The following DKK2 variants were observed in gnomAD, a reference collection of about 807,000 sequenced individuals.
DKK2 encodes dickkopf Wnt signaling pathway inhibitor 2.
A neutral mutation model predicts 28.1 loss-of-function variants in DKK2; 11 were observed. That is an observed-to-expected ratio of 0.39 (90% CI 0.25 to 0.65). The LOEUF is 0.65. Ranked by LOEUF, DKK2 falls within the 30% of genes least tolerant of loss-of-function variation. DKK2 has a pLI of 0.47. For missense variants in DKK2, 326 were observed against 335.5 expected, an observed-to-expected ratio of 0.97 and a Z score of 0.22; for synonymous variants, 135 against 126.5, an observed-to-expected ratio of 1.07 and a Z score of -0.45.
intron 1 of DKK2, among the ~76,000 whole-genome samples, chr4:107,012,502 A>G (rs992409890): frequency 5.9e-5 from 9 of 151,274 alleles, no homozygotes; most frequent in African/African-American, 2.2e-4. Context: ...ATGCTTTTCT[A>G]AAAGAAAAGT....
chr4:106,996,475 A>T (rs949318964), intron 1 of DKK2, among the ~76,000 whole-genome samples: 5 of 152,166 alleles, frequency 3.3e-5, no homozygotes, highest in Non-Finnish European at 5.9e-5. Context: ...GACATAAACT[A>T]TACGAAATCA....
intron 1 of DKK2, among the ~76,000 whole-genome samples, chr4:106,937,488 A>C (rs1724613593): frequency 7.1e-6 from 1 of 140,292 alleles, no homozygotes; most frequent in South Asian, 2.4e-4. Flanking sequence ...TGACCTACAA[A>C]GAGACTTAGA....
At chr4:107,012,808 G>A (rs1205141784) in intron 1 of DKK2, among the ~76,000 whole-genome samples, 1 of 150,998 alleles carries the variant, frequency 6.6e-6, no homozygotes, top group Non-Finnish European at 1.5e-5. Context: ...GTACTCAGAG[G>A]TATCTGCCTC....
chr4:106,934,027 C>CTA (rs1035138555), intron 1 of DKK2, among the ~76,000 whole-genome samples: 55 of 147,482 alleles, frequency 3.7e-4, no homozygotes, highest in African/African-American at 9.5e-4. Context: ...TATACACACA[C>CTA]TATATATATA....
intron 1 of DKK2, among the ~76,000 whole-genome samples, chr4:106,952,333 C>T (rs959742983): frequency 3.3e-5 from 5 of 152,076 alleles, no homozygotes; most frequent in Admixed American, 2.0e-4. Context: ...CCAAAAAGTA[C>T]CCTCTTGGCT....
intron 1 of DKK2, among the ~76,000 whole-genome samples, chr4:106,969,683 C>G (rs1240946036): frequency 6.6e-6 from 1 of 151,834 alleles, no homozygotes; most frequent in Non-Finnish European, 1.5e-5. Context: ...GAGAAATATG[C>G]TACTGCTTTC....
chr4:106,999,855 A>C (rs1440225269), intron 1 of DKK2, among the ~76,000 whole-genome samples: 1 of 152,226 alleles, frequency 6.6e-6, no homozygotes, highest in Non-Finnish European at 1.5e-5. Flanking sequence ...TAAATGGAGC[A>C]TTTTAAATTT....
At chr4:106,997,454 T>C (rs1723288420) in intron 1 of DKK2, among the ~76,000 whole-genome samples, 1 of 152,182 alleles carries the variant, frequency 6.6e-6, no homozygotes. Context: ...ATGCATGTAA[T>C]GCAATATGCG....
chr4:107,006,895 T>C (rs1281903701), intron 1 of DKK2, among the ~76,000 whole-genome samples: 1 of 152,194 alleles, frequency 6.6e-6, no homozygotes, highest in Non-Finnish European at 1.5e-5. Flanking sequence ...CCTTATTAAA[T>C]GTATCTGTTT....
At chr4:106,937,214 G>T (rs1724604291) in intron 1 of DKK2, among the ~76,000 whole-genome samples, 1 of 146,750 alleles carries the variant, frequency 6.8e-6, no homozygotes, top group Non-Finnish European at 1.5e-5. Context: ...GCTGTATTCA[G>T]GAAACCCATC....
chr4:106,954,779 G>T (rs182991309), intron 1 of DKK2, among the ~76,000 whole-genome samples: 6 of 152,126 alleles, frequency 3.9e-5, no homozygotes, highest in African/African-American at 1.2e-4. Context: ...CCTCGCCCTC[G>T]CAAAGTGCTG....
At chr4:107,029,021 G>A (rs1723835655) in intron 1 of DKK2, among the ~76,000 whole-genome samples, 1 of 152,036 alleles carries the variant, frequency 6.6e-6, no homozygotes, top group Non-Finnish European at 1.5e-5. Context: ...TATATGGGAG[G>A]ACGGGGGGCA....
intron 1 of DKK2, among the ~76,000 whole-genome samples, chr4:106,958,113 G>A (rs1417573082): frequency 6.7e-6 from 1 of 150,048 alleles, no homozygotes; most frequent in Non-Finnish European, 1.5e-5. Context: ...TTGATGGAAT[G>A]ATAATATATT....
chr4:106,937,100 A>T (rs1724601702), intron 1 of DKK2, among the ~76,000 whole-genome samples: 1 of 151,870 alleles, frequency 6.6e-6, no homozygotes, highest in South Asian at 2.1e-4. Flanking sequence ...TGACCGGATC[A>T]AATTCACACA....
At chr4:106,969,095 G>T (rs1722824387) in intron 1 of DKK2, among the ~76,000 whole-genome samples, 1 of 151,892 alleles carries the variant, frequency 6.6e-6, no homozygotes, top group Non-Finnish European at 1.5e-5. Context: ...GAATGAAGTT[G>T]ATTTATGCTT....
rs535348538 is a variant in DKK2, at chr4:106,955,734, T to TA, written c.223-29786dup. Among the ~76,000 whole-genome samples the TA allele has an allele frequency of 2.5e-3, 381 of 151,968 alleles. 1 individual carries two copies. The highest frequency in any genetic ancestry group is 8.2e-3 in the African/African-American group (339 of 41,470). ...CAATCAGAAACATAAAGAGAACAAA[T>TA]AAAAAAACCATATCTTGGTACTAAG... is the stretch of plus-strand genomic sequence containing the variant. On this transcript the variant is annotated intron_variant, in intron 1 of 3. Transcript: ENST00000285311.
chr4:106,924,366 A>G, intron 3 of DKK2, 162 bp from the exon 4 acceptor site: 2 of 1,236,508 alleles, frequency 1.6e-6, no homozygotes, highest in Non-Finnish European at 2.2e-6. Flanking sequence ...TCTGCCTCTT[A>G]TCACATAAAT....
chr4:106,969,385 T>C (rs1169989124), intron 1 of DKK2, among the ~76,000 whole-genome samples: 1 of 151,928 alleles, frequency 6.6e-6, no homozygotes, highest in Admixed American at 6.6e-5. Flanking sequence ...GTACTAATGG[T>C]TCTCTCTGTT....
chr4:106,931,929 T>C (rs1724509960), intron 1 of DKK2, among the ~76,000 whole-genome samples: 1 of 152,132 alleles, frequency 6.6e-6, no homozygotes, highest in Admixed American at 6.5e-5. Context: ...TTTTACTTAT[T>C]TGTCACCTAA....
Sources: allele counts gnomAD v4.1 joint callset (sites outside exome capture counted in the v4.1 genomes callset), GRCh38; gene constraint gnomAD v4.1.1; transcripts MANE v1.5; gene names NCBI Gene and HGNC (gene_info 2026-07-23, HGNC 2026-07-21).